The following ATIC variants were observed in gnomAD, a reference collection of about 807,000 sequenced individuals.
ATIC encodes 5-aminoimidazole-4-carboxamide ribonucleotide formyltransferase/IMP cyclohydrolase, also known as bifunctional purine biosynthesis protein ATIC.
Under a neutral mutation model 72.5 loss-of-function variants are expected in ATIC, and 64 were observed. That is an observed-to-expected ratio of 0.88 (90% CI 0.72 to 1.09). The LOEUF (loss-of-function observed/expected upper bound fraction) is 1.09. ATIC is among the 50% of genes least tolerant of loss of function. The pLI, the probability that ATIC is intolerant of heterozygous loss-of-function variation, is 0.00. For missense variants in ATIC, 787 were observed against 732.4 expected (o/e 1.07, Z -0.86); for synonymous variants, 281 against 267.1 (o/e 1.05, Z -0.51).
intron 2 of ATIC, among the ~76,000 whole-genome samples, chr2:215,315,004 G>A (rs191529100): frequency 3.3e-5 from 5 of 152,312 alleles, no homozygotes. Flanking sequence ...ACAAAGAATG[G>A]ACAGAAAGGT....
intron 1 of ATIC, 133 bp from the exon 2 acceptor site, chr2:215,312,365 A>T: frequency 1.4e-5 from 21 of 1,543,468 alleles, no homozygotes; most frequent in Non-Finnish European, 1.9e-5. Flanking sequence ...GGAGGCCCGG[A>T]CCAGGCCTGC....
chr2:215,328,467 G>A (rs1575118045), intron 7 of ATIC, among the ~76,000 whole-genome samples: 1 of 152,064 alleles, frequency 6.6e-6, no homozygotes, highest in Non-Finnish European at 1.5e-5. Context: ...TCCGCCCTGT[G>A]CCTCCAAGTG....
At chr2:215,355,309 T>A in the ATIC span, among the ~76,000 whole-genome samples, 4 of 151,878 alleles carry the variant, frequency 2.6e-5, no homozygotes, top group South Asian at 2.1e-4. Context: ...AAGAGTGGAG[T>A]TTCACTGGTG....
At chr2:215,326,167 T>C in intron 6 of ATIC, 29 bp downstream of exon 6, 1 of 1,613,178 alleles carries the variant, frequency 6.2e-7, no homozygotes, top group Non-Finnish European at 8.5e-7. Context: ...ATATTGTAAG[T>C]TACATCCATG....
At chr2:215,356,972 A>G in the ATIC span, among the ~76,000 whole-genome samples, 4 of 152,210 alleles carry the variant, frequency 2.6e-5, no homozygotes, top group Non-Finnish European at 5.9e-5. Context: ...GTGAAGTCGT[A>G]TGGTAACTGT....
intron 12 of ATIC, among the ~76,000 whole-genome samples, chr2:215,341,313 A>G (rs1175296893): frequency 6.6e-6 from 1 of 152,176 alleles, no homozygotes; most frequent in Admixed American, 6.5e-5. Flanking sequence ...CCTAGATTCC[A>G]TGGTACCATG....
intron 7 of ATIC, 74 bp from the exon 8 acceptor site, chr2:215,332,308 T>C: frequency 6.3e-7 from 1 of 1,590,972 alleles, no homozygotes; most frequent in Non-Finnish European, 8.6e-7. Flanking sequence ...GTCATGTTAT[T>C]TTTTTGAGAA....
downstream of ATIC, chr2:215,349,781 G>A: frequency 1.0e-5 from 16 of 1,540,472 alleles, no homozygotes; most frequent in Middle Eastern, 1.8e-4. Context: ...GTTTTTGGTA[G>A]TTGTGTTTTA....
chr2:215,348,105 C>A (rs1434664650), intron 14 of ATIC, among the ~76,000 whole-genome samples: 1 of 152,130 alleles, frequency 6.6e-6, no homozygotes, highest in Non-Finnish European at 1.5e-5. Context: ...AGGGCCCCAC[C>A]CTCATTGCCC....
chr2:215,351,165 G>A (rs1001715471), downstream of ATIC, among the ~76,000 whole-genome samples: 2 of 152,172 alleles, frequency 1.3e-5, no homozygotes, highest in African/African-American at 2.4e-5. Flanking sequence ...AAGGAGAGAC[G>A]CCATCTTGCT....
chr2:215,331,269 A>G (rs936386012), intron 7 of ATIC, among the ~76,000 whole-genome samples: 4 of 151,880 alleles, frequency 2.6e-5, no homozygotes, highest in African/African-American at 9.7e-5. Flanking sequence ...TATCCTGAAT[A>G]CCTAGAACAG....
chr2:215,361,646 A>G, the ATIC span: 3 of 1,562,132 alleles, frequency 1.9e-6, no homozygotes, highest in South Asian at 2.2e-5. Context: ...AGGAAGAAGG[A>G]AAAAAAAATT....
the ATIC span, chr2:215,364,346 C>A: frequency 5.5e-6 from 1 of 181,614 alleles, no homozygotes; most frequent in Admixed American, 5.4e-5. Flanking sequence ...GACACCTGTC[C>A]ATCAGAATGG....
chr2:215,318,726 T>C (rs972740635), intron 3 of ATIC, among the ~76,000 whole-genome samples: 1 of 152,186 alleles, frequency 6.6e-6, no homozygotes, highest in Non-Finnish European at 1.5e-5. Context: ...TAAAGCTGAA[T>C]GGCTACAGAT....
Position 215,334,997 on chromosome 2 carries a change from C to T in ATIC, c.1001C>T (p.Ser334Phe), listed in dbSNP as rs2106023081. The part of the protein sequence containing the change: ...VCDVPTAKII[S>F]REVSDGIIAP... ...GATGTACCAACTGCAAAAATTATTT[C>T]CAGAGAAGTTAGTGGACATTCATGT... The change falls in exon 10 of 16, where the codon TCC (serine) becomes TTC (phenylalanine). Residue 334 changes from serine to phenylalanine, a missense_variant. Coordinates refer to ENST00000236959, the MANE Select transcript of ATIC (RefSeq NM_004044.7). 6.2e-7 allele frequency: 1 copy of T among 1,611,950 alleles called. No individual in the cohort carries two copies. The highest frequency in any genetic ancestry group is 2.2e-5 in the East Asian group (1 of 44,732).
At chr2:215,324,801 A>G (rs1222112236) in intron 4 of ATIC, among the ~76,000 whole-genome samples, 1 of 152,166 alleles carries the variant, frequency 6.6e-6, no homozygotes, top group Non-Finnish European at 1.5e-5. Context: ...GATATTTTTC[A>G]TCATTGTGCC....
At chr2:215,335,670 C>T (rs2106024107) in intron 10 of ATIC, among the ~76,000 whole-genome samples, 1 of 152,248 alleles carries the variant, frequency 6.6e-6, no homozygotes, top group Admixed American at 6.5e-5. Flanking sequence ...AAACGCCTTG[C>T]CGGAAGAGGT....
chr2:215,342,395 A>G (rs1310624355), intron 12 of ATIC, among the ~76,000 whole-genome samples: 3 of 152,196 alleles, frequency 2.0e-5, no homozygotes, highest in Non-Finnish European at 2.9e-5. Flanking sequence ...AGATTCATAT[A>G]CAGTTGTAAG....
intron 1 of ATIC, 146 bp downstream of exon 1, chr2:215,312,307 A>C: frequency 6.9e-7 from 1 of 1,449,984 alleles, no homozygotes; most frequent in Non-Finnish European, 9.2e-7. Flanking sequence ...GCCGGGCCGC[A>C]GCCTGCGTGG....
Sources: allele counts gnomAD v4.1 joint callset (sites outside exome capture counted in the v4.1 genomes callset), GRCh38; gene constraint gnomAD v4.1.1; transcripts MANE v1.5; gene names NCBI Gene and HGNC (gene_info 2026-07-23, HGNC 2026-07-21).